INKA2: variants seen among roughly 807,000 people sequenced by gnomAD.
INKA2 encodes the protein inka box actin regulator 2.
Under a neutral mutation model 9.8 loss-of-function variants are expected in INKA2, and 3 were observed. The observed-to-expected ratio is 0.31, with a 90% CI of 0.14 to 0.79. The LOEUF (loss-of-function observed/expected upper bound fraction) is 0.79, where lower values mean the gene tolerates loss of function less well. Ranked by LOEUF, INKA2 falls within the 30% of genes least tolerant of loss-of-function variation. The pLI is 0.62. For missense variants in INKA2, 392 were observed against 384.4 expected, an observed-to-expected ratio of 1.02 and a Z score of -0.17; for synonymous variants, 147 against 143.3, an observed-to-expected ratio of 1.03 and a Z score of -0.18.
chr1:111,749,871 T>C (rs920130821), intron 1 of INKA2, among the ~76,000 whole-genome samples: 5 of 152,184 alleles, frequency 3.3e-5, no homozygotes, highest in African/African-American at 1.2e-4. Context: ...GCATATTCTA[T>C]TGAGTGCATC....
chr1:111,751,035 T>C (rs931951412), intron 1 of INKA2, among the ~76,000 whole-genome samples: 5 of 152,232 alleles, frequency 3.3e-5, no homozygotes, highest in Non-Finnish European at 5.9e-5. Context: ...TGGTGAGCTC[T>C]CTTTCCACTC....
Position 111,725,732 on chromosome 1 carries a change from T to C in INKA2, c.*1236A>G, listed in dbSNP as rs1276621848. ...GGGGTATGGGGCCCTACGAACTGTT[T>C]TTTTTTATTTTTTTTGAGACAGGGG... On this transcript the variant is annotated 3_prime_UTR_variant, in exon 2 of 2. Coordinates refer to ENST00000357260, the MANE Select transcript of INKA2 (RefSeq NM_019099.5). The C allele has an allele frequency of 4.2e-5, 6 of 143,312 alleles. No individual in the cohort carries two copies. The highest frequency in any genetic ancestry group is 8.9e-5 in the Non-Finnish European group (6 of 67,166). 8.9% of individuals were successfully genotyped at this position (143,312 alleles called of 1,614,324 possible).
intron 1 of INKA2, among the ~76,000 whole-genome samples, chr1:111,735,975 T>C (rs1662999498): frequency 6.6e-6 from 1 of 152,210 alleles, no homozygotes. Context: ...TCTACACTGA[T>C]CTGAACTCAC....
intron 1 of INKA2, among the ~76,000 whole-genome samples, chr1:111,738,913 TTC>T (rs1663071289): frequency 6.6e-6 from 1 of 152,006 alleles, no homozygotes; most frequent in Non-Finnish European, 1.5e-5. Context: ...CTCTCTGGGG[TTC>T]TCTGTGTCAC....
At chr1:111,752,511 G>C (rs1258202828) in intron 1 of INKA2, among the ~76,000 whole-genome samples, 1 of 152,166 alleles carries the variant, frequency 6.6e-6, no homozygotes, top group East Asian at 1.9e-4. Context: ...AATGATTAGA[G>C]ATGTTTTGTA....
In INKA2 at chr1:111,739,379, G is replaced by C; in HGVS notation, c.-137C>G. The C allele has an allele frequency of 6.6e-7, 1 of 1,508,794 alleles. No homozygotes were observed. Among genetic ancestry groups the C allele is most frequent in the Non-Finnish European group, 8.9e-7 (1 of 1,128,450 alleles). The allele number at this position is 1,508,794 out of a possible 1,614,324, so 93.5% of individuals were successfully genotyped here. On this transcript the variant is annotated 5_prime_UTR_variant, in exon 1 of 2. Transcript: ENST00000357260. ...GCGCGGAGCTGAGCCTGCGCTCCGA[G>C]CCCGGGACTCAGAGTCGCTTCCCCA...
upstream of INKA2, chr1:111,739,425 G>A: frequency 6.9e-7 from 1 of 1,448,382 alleles, no homozygotes; most frequent in Non-Finnish European, 9.1e-7. Context: ...GCGCGCGGTC[G>A]GTGCTGGGGG....
Position 111,723,868 on chromosome 1 carries a change from G to A in INKA2, c.*3100C>T, listed in dbSNP as rs1377733975. On this transcript the variant is annotated 3_prime_UTR_variant, in exon 2 of 2. Transcript: ENST00000357260. ...CAGCATGCCATTTATGATCCACGCA[G>A]GACCATGAATAATATGAGAGGACAG... 1.3e-5 allele frequency: 2 copies of A among 152,290 alleles called. No homozygotes were observed. Among genetic ancestry groups the A allele is most frequent in the African/African-American group, 4.8e-5 (2 of 41,450 alleles). The allele number at this position is 152,290 out of a possible 1,614,324, so 9.4% of individuals were successfully genotyped here.
rs541426342 is a variant in INKA2, at chr1:111,727,634, G to A, written c.228C>T (p.His76=). 159 of 1,608,512 alleles carry A rather than the reference G, an allele frequency of 9.9e-5. No homozygotes were observed. The highest frequency in any genetic ancestry group is 1.7e-4 in the Middle Eastern group (1 of 6,046). Residue 76 remains histidine (H), a synonymous_variant, in exon 2 of 2, where the codon CAC becomes CAT. Coordinates refer to ENST00000357260, the MANE Select transcript of INKA2 (RefSeq NM_019099.5). ...SPEGPRTQCE[H]PCWEGGRGPA... ...GACCTCTGCCACCCTCCCAACAAGGGTGCTCGCACTGGGTCCTGGGACCTT... is the reference window on the plus strand; with the variant it reads ...GACCTCTGCCACCCTCCCAACAAGGATGCTCGCACTGGGTCCTGGGACCTT...
intron 1 of INKA2, among the ~76,000 whole-genome samples, chr1:111,752,007 T>C (rs775683557): frequency 2.0e-5 from 3 of 151,688 alleles, no homozygotes; most frequent in Non-Finnish European, 4.4e-5. Context: ...AAATGCCAGA[T>C]AGTGTGGCAG....
chr1:111,738,452 G>C (rs1663054733), intron 1 of INKA2, among the ~76,000 whole-genome samples: 1 of 145,896 alleles, frequency 6.9e-6, no homozygotes, highest in Non-Finnish European at 1.5e-5. Context: ...GCCTCCGAAC[G>C]CTCCCTGCGC....
chr1:111,727,745 T>G lies in INKA2; in HGVS notation c.117A>C (p.Ala39=). Residue 39 remains alanine (A), a synonymous_variant, in exon 2 of 2, where the codon GCA becomes GCC. Coordinates refer to ENST00000357260, the MANE Select transcript of INKA2 (RefSeq NM_019099.5). ...CCTGGAGGAGCTTCAGTTCTTGCAG[T>G]GCACCCATCATGCAGTTCATCTGAT... ...LQDQMNCMMG[A]LQELKLLQVQ... 1 of 1,613,330 alleles carries G rather than the reference T, an allele frequency of 6.2e-7. No individual in the cohort carries two copies.
intron 1 of INKA2, among the ~76,000 whole-genome samples, chr1:111,728,328 T>G (rs1662837520): frequency 6.6e-6 from 1 of 152,212 alleles, no homozygotes; most frequent in Non-Finnish European, 1.5e-5. Flanking sequence ...TGCTAAGGAC[T>G]CTATGTGCTT....
chr1:111,743,035 T>A (rs1216266626), upstream of INKA2, among the ~76,000 whole-genome samples: 1 of 152,232 alleles, frequency 6.6e-6, no homozygotes, highest in African/African-American at 2.4e-5. Flanking sequence ...TTCTGCTTTT[T>A]CTTTTTAAAA....
intron 1 of INKA2, among the ~76,000 whole-genome samples, chr1:111,735,934 T>C (rs1315708769): frequency 6.6e-6 from 1 of 152,242 alleles, no homozygotes; most frequent in African/African-American, 2.4e-5. Context: ...TCATGAGCTC[T>C]GATCACTCAG....
In INKA2 at chr1:111,726,100, C is replaced by G. The variant is rs1662763834; in HGVS notation, c.*868G>C. On this transcript the variant is annotated 3_prime_UTR_variant, in exon 2 of 2. Transcript: ENST00000357260. ...ACTCCAGGGTCCAGCTTCTACTCTG[C>G]AGTTAGACCTAGGCTGTTCTGCCTC... is the stretch of plus-strand genomic sequence containing the variant. 5.0e-6 allele frequency: 2 copies of G among 398,644 alleles called. No homozygotes were observed. The highest frequency in any genetic ancestry group is 7.1e-5 in the East Asian group (2 of 28,074). 24.7% of individuals were successfully genotyped at this position (398,644 alleles called of 1,614,324 possible).
At chr1:111,732,340 C>T (rs915604319) in intron 1 of INKA2, among the ~76,000 whole-genome samples, 10 of 152,138 alleles carry the variant, frequency 6.6e-5, no homozygotes, top group Non-Finnish European at 1.0e-4. Flanking sequence ...GGGGCCAGCT[C>T]AGATAGACAA....
Position 111,739,244 on chromosome 1 carries a change from C to G in INKA2, c.-2G>C. 3 of 1,613,714 alleles carry G rather than the reference C, an allele frequency of 1.9e-6. No individual in the cohort carries two copies. The highest frequency in any genetic ancestry group is 2.5e-6 in the Non-Finnish European group (3 of 1,179,748). ...CATTTCCCTGCTCTCCATCGTCATG[C>G]GCCCATTTGTCGGGTTCGGTTCAAA... On this transcript the variant is annotated 5_prime_UTR_variant, in exon 1 of 2. Coordinates refer to ENST00000357260, the MANE Select transcript of INKA2 (RefSeq NM_019099.5).
chr1:111,735,030 G>A (rs1282366237), intron 1 of INKA2, among the ~76,000 whole-genome samples: 1 of 152,084 alleles, frequency 6.6e-6, no homozygotes, highest in African/African-American at 2.4e-5. Context: ...GCCTTCCCAT[G>A]TCTTTATTGA....
Sources: gnomAD v4.1 joint callset for allele counts (sites outside exome capture counted in the v4.1 genomes callset) on GRCh38, gnomAD v4.1.1 for gene constraint, MANE v1.5 for transcripts, NCBI Gene and HGNC (gene_info 2026-07-23, HGNC 2026-07-21) for gene names.